MMP16: variants seen among roughly 807,000 people sequenced by gnomAD.
The protein encoded by MMP16 is matrix metalloproteinase-16.
A neutral mutation model predicts 67.8 loss-of-function variants in MMP16; 12 were observed. The ratio of observed to expected loss-of-function variants is 0.18; its 90% confidence interval spans 0.11 to 0.29. The LOEUF (loss-of-function observed/expected upper bound fraction) is 0.29, where lower values mean the gene tolerates loss of function less well. Among genes scored for constraint, MMP16 ranks in the 10% least tolerant of loss-of-function variants. MMP16 has a pLI of 1.00. For synonymous variants in MMP16, 249 were observed against 255.9 expected (o/e 0.97, Z 0.26); for missense variants, 475 against 765.7 (o/e 0.62, Z 4.48).
intron 1 of MMP16, among the ~76,000 whole-genome samples, chr8:88,304,257 A>G (rs1028537115): frequency 5.3e-5 from 8 of 152,216 alleles, no homozygotes; most frequent in Non-Finnish European, 1.2e-4. Flanking sequence ...AAAAAGAATG[A>G]AAAGGAGTAA....
intron 5 of MMP16, among the ~76,000 whole-genome samples, 162 bp from the exon 6 acceptor site, chr8:88,116,880 A>C (rs1809446990): frequency 6.6e-6 from 1 of 152,098 alleles, no homozygotes; most frequent in African/African-American, 2.4e-5. Flanking sequence ...TATCTTACCC[A>C]AAAAAGCATT....
chr8:88,161,727 G>T (rs977369633), intron 4 of MMP16, among the ~76,000 whole-genome samples: 10 of 151,970 alleles, frequency 6.6e-5, no homozygotes, highest in Non-Finnish European at 1.5e-5. Context: ...CTTTAAACGT[G>T]TCCCAGAGAT....
chr8:88,136,554 ACGGTTATCAGAGC>A (rs1808122380), intron 4 of MMP16, among the ~76,000 whole-genome samples: 1 of 151,598 alleles, frequency 6.6e-6, no homozygotes, highest in Non-Finnish European at 1.5e-5. Context: ...CCCCAAAGGA[ACGGTTATCAGAGC>A]CTGATAACCA....
At chr8:88,182,406 T>C (rs1808995215) in intron 3 of MMP16, among the ~76,000 whole-genome samples, 1 of 152,098 alleles carries the variant, frequency 6.6e-6, no homozygotes, top group African/African-American at 2.4e-5. Context: ...CATCAGGGAA[T>C]TGCAAATTAA....
intron 1 of MMP16, among the ~76,000 whole-genome samples, chr8:88,276,375 T>C (rs953433059): frequency 1.3e-5 from 2 of 152,136 alleles, no homozygotes; most frequent in South Asian, 4.1e-4. Context: ...GTCTCAAGTA[T>C]TACTCATTTC....
At chr8:88,091,571 T>TCACA (rs541618142) in intron 6 of MMP16, among the ~76,000 whole-genome samples, 1 of 131,142 alleles carries the variant, frequency 7.6e-6, no homozygotes, top group Non-Finnish European at 1.6e-5. Flanking sequence ...ACACACACAC[T>TCACA]CACACACACA....
chr8:88,054,190 C>T (rs1011831692), intron 8 of MMP16, among the ~76,000 whole-genome samples: 19 of 152,126 alleles, frequency 1.2e-4, no homozygotes, highest in African/African-American at 4.6e-4. Context: ...CTATGAAACT[C>T]TAATTAAGCT....
chr8:88,235,374 G>A (rs1268955779), intron 1 of MMP16, among the ~76,000 whole-genome samples: 2 of 129,532 alleles, frequency 1.5e-5, no homozygotes, highest in Non-Finnish European at 3.2e-5. Flanking sequence ...CCGGGCAACA[G>A]AGCAAGACTC....
At chr8:88,185,989 A>G (rs1809065968) in intron 3 of MMP16, among the ~76,000 whole-genome samples, 2 of 152,224 alleles carry the variant, frequency 1.3e-5, no homozygotes, top group Admixed American at 1.3e-4. Flanking sequence ...AAATCCATTA[A>G]TAACAATTGT....
At chr8:88,230,406 G>A (rs1202594772) in intron 1 of MMP16, among the ~76,000 whole-genome samples, 1 of 152,142 alleles carries the variant, frequency 6.6e-6, no homozygotes, top group Non-Finnish European at 1.5e-5. Flanking sequence ...TCTTTAGTGG[G>A]AAGGTAAAAT....
At chr8:88,198,257 G>C (rs912203455) in intron 1 of MMP16, among the ~76,000 whole-genome samples, 1 of 152,068 alleles carries the variant, frequency 6.6e-6, no homozygotes, top group Non-Finnish European at 1.5e-5. Context: ...CATATGTTCA[G>C]GCCACATCCC....
Position 88,244,132 on chromosome 8 carries a change from T to C in MMP16, c.133-46826A>G, listed in dbSNP as rs544575700. ...GGGCAACAGTTGTTTACCATTTTAA[T>C]CACAAACGGTTCTTTGGCCTGAAGC... On this transcript the variant is annotated intron_variant, in intron 1 of 9. Coordinates refer to ENST00000286614, the MANE Select transcript of MMP16 (RefSeq NM_005941.5). Among the ~76,000 whole-genome samples, 3 of 152,216 alleles carry C rather than the reference T, an allele frequency of 2.0e-5. 1 individual carries two copies. In the South Asian group the frequency reaches 6.2e-4, roughly 32 times the overall value.
At chr8:88,082,532 C>T (rs976450981) in intron 6 of MMP16, among the ~76,000 whole-genome samples, 2 of 152,034 alleles carry the variant, frequency 1.3e-5, no homozygotes, top group Non-Finnish European at 2.9e-5. Context: ...ATTGTGATGT[C>T]ATTTTTGATA....
rs550913839 is a variant in MMP16 at position 88,036,674 on chromosome 8, T to C, written c.*4787A>G. ...ACAGCCGAATGATTAGATCCTCTTA[T>C]ATGATTGACTTGACACATTTTGTGA... On this transcript the variant is annotated 3_prime_UTR_variant, in exon 10 of 10. Coordinates refer to ENST00000286614, the MANE Select transcript of MMP16 (RefSeq NM_005941.5). 1 of 151,970 alleles carries C rather than the reference T, an allele frequency of 6.6e-6. No individual in the cohort carries two copies. The highest frequency in any genetic ancestry group is 2.4e-5 in the African/African-American group (1 of 41,548). The allele number at this position is 151,970 out of a possible 1,614,324, so 9.4% of individuals were successfully genotyped here.
intron 6 of MMP16, among the ~76,000 whole-genome samples, chr8:88,106,598 T>C (rs945798752): frequency 9.9e-5 from 15 of 151,238 alleles, no homozygotes; most frequent in Non-Finnish European, 3.0e-5. Context: ...AGAATGACAG[T>C]GCTAGTTCCC....
chr8:88,302,188 T>C (rs911692738), intron 1 of MMP16, among the ~76,000 whole-genome samples: 4 of 152,236 alleles, frequency 2.6e-5, no homozygotes, highest in African/African-American at 9.6e-5. Flanking sequence ...GTTAAGATCC[T>C]AGCATGGAAA....
At chr8:88,104,462 A>T (rs1809200077) in intron 6 of MMP16, among the ~76,000 whole-genome samples, 1 of 151,650 alleles carries the variant, frequency 6.6e-6, no homozygotes, top group South Asian at 2.1e-4. Context: ...GAGGCTAAAA[A>T]ATTCCAATTG....
At chr8:88,161,568 C>T (rs1322094741) in intron 4 of MMP16, among the ~76,000 whole-genome samples, 4 of 152,008 alleles carry the variant, frequency 2.6e-5, no homozygotes, top group East Asian at 3.9e-4. Context: ...CTTCTCTGAT[C>T]TTAGTTATTT....
At position 88,197,380 on chromosome 8, in the gene MMP16, T is replaced by C. The variant is rs1199385379; in HGVS notation, c.133-74A>G. ...ATAATTTTCTGGTAATTAATGTATATCTATAATAGAGTTTTGAACATTTTC... is the reference window on the plus strand; with the variant it reads ...ATAATTTTCTGGTAATTAATGTATACCTATAATAGAGTTTTGAACATTTTC... On this transcript the variant is annotated intron_variant, in intron 1 of 9. Transcript: ENST00000286614. 9.3e-6 allele frequency: 12 copies of C among 1,294,890 alleles called. No individual in the cohort carries two copies. The East Asian group carries it at 3.1e-4, about 33-fold the overall frequency. 80.2% of individuals were successfully genotyped at this position (1,294,890 alleles called of 1,614,324 possible).
Sources: allele counts gnomAD v4.1 joint callset (sites outside exome capture counted in the v4.1 genomes callset), GRCh38; gene constraint gnomAD v4.1.1; transcripts MANE v1.5; gene names NCBI Gene and HGNC (gene_info 2026-07-23, HGNC 2026-07-21).